NEBL: variants seen among roughly 807,000 people sequenced by gnomAD.
The protein encoded by NEBL is nebulette.
In NEBL, 122 loss-of-function variants were observed where a neutral mutation model predicts 140.2. The ratio of observed to expected loss-of-function variants is 0.87; its 90% CI spans 0.75 to 1.01. The LOEUF is 1.01. Ranked by LOEUF, NEBL falls within the 50% of genes least tolerant of loss-of-function variation. The probability of loss-of-function intolerance (pLI) is 0.00; values close to 1 mark genes in which losing one functional copy is unlikely to be tolerated. For missense variants in NEBL, 1,365 were observed against 1,231.3 expected, an observed-to-expected ratio of 1.11 and a Z score of -1.62; for synonymous variants, 436 against 398.9, an observed-to-expected ratio of 1.09 and a Z score of -1.11.
chr10:21,144,278 G>C (rs1163971746), intron 2 of NEBL, among the ~76,000 whole-genome samples: 1 of 152,238 alleles, frequency 6.6e-6, no homozygotes, highest in Non-Finnish European at 1.5e-5. Flanking sequence ...CTGGATGGCT[G>C]CTGGTACTAG....
intron 3 of NEBL, among the ~76,000 whole-genome samples, chr10:21,223,058 T>A (rs1021826343): frequency 6.6e-6 from 1 of 152,240 alleles, no homozygotes; most frequent in Non-Finnish European, 1.5e-5. Context: ...CCATCGCGCC[T>A]GGCTCTTTTA....
intron 4 of NEBL, among the ~76,000 whole-genome samples, chr10:20,944,635 C>G (rs1835067364): frequency 6.6e-6 from 1 of 152,160 alleles, no homozygotes; most frequent in African/African-American, 2.4e-5. Flanking sequence ...GAGAGCATGT[C>G]TGAGACTAGC....
chr10:21,257,032 T>G (rs1348773546), intron 1 of NEBL, among the ~76,000 whole-genome samples: 1 of 152,216 alleles, frequency 6.6e-6, no homozygotes, highest in African/African-American at 2.4e-5. Flanking sequence ...AACAACACTA[T>G]GAAAATTAGC....
chr10:21,006,794 C>T (rs1359544750), intron 3 of NEBL, among the ~76,000 whole-genome samples: 1 of 152,106 alleles, frequency 6.6e-6, no homozygotes, highest in Non-Finnish European at 1.5e-5. Context: ...CCAAGGATAA[C>T]AATAAGAAGA....
intron 4 of NEBL, among the ~76,000 whole-genome samples, chr10:20,904,888 C>A (rs1848024809): frequency 6.6e-6 from 1 of 152,332 alleles, no homozygotes. Context: ...CTTGGCAATT[C>A]TTTAACCCAT....
intron 2 of NEBL, among the ~76,000 whole-genome samples, chr10:21,160,779 G>A (rs1162580376): frequency 2.6e-5 from 4 of 151,548 alleles, no homozygotes; most frequent in Non-Finnish European, 2.9e-5. Context: ...AGCCTGTTAA[G>A]ACCTTTTATT....
intron 2 of NEBL, among the ~76,000 whole-genome samples, chr10:20,896,433 C>T (rs1847480054): frequency 7.1e-6 from 1 of 141,594 alleles, no homozygotes; most frequent in African/African-American, 2.6e-5. Flanking sequence ...GGGTTCTTAG[C>T]AAGCAGGTCA....
chr10:21,201,359 T>A (rs574348445), intron 3 of NEBL, among the ~76,000 whole-genome samples: 1 of 152,196 alleles, frequency 6.6e-6, no homozygotes, highest in African/African-American at 2.4e-5. Context: ...TCTTTATGCT[T>A]TCAGGGGCAG....
At position 20,869,761 on chromosome 10, in the gene NEBL, C is replaced by G. The variant is rs75301590; in HGVS notation, c.561G>C (p.Gln187His). ...LDRPDIKMATQISKIISNAEY... is the reference protein window; with the variant it reads ...LDRPDIKMATHISKIISNAEY... ...TTACATTGCTTATGATCTTAGAGAT[C>G]TGGGTTGCCATCTTGATGTCTGGTC... The change falls in exon 6 of 28, where the codon CAG (glutamine) becomes CAC (histidine). Residue 187 changes from glutamine to histidine, a missense_variant. Around this residue, in one of 2 missense-constraint regions of NEBL, gnomAD observed 1,323 missense variants for 1,154.8 expected, o/e 1.15. Transcript: ENST00000377122. The G allele has an allele frequency of 1.1e-4, 184 of 1,611,182 alleles. 1 individual carries two copies. The East Asian group carries it at 3.8e-3, about 33-fold the overall frequency.
chr10:21,028,254 A>AGAAGAAG (rs1554819369), intron 2 of NEBL, among the ~76,000 whole-genome samples: 11 of 70,348 alleles, frequency 1.6e-4, no homozygotes, highest in East Asian at 6.9e-4. Flanking sequence ...AAAAAAAAAA[A>AGAAGAAG]AAGAAGAAGA....
At chr10:20,815,792 AG>A in intron 21 of NEBL, 75 bp from the exon 22 acceptor site, 1 of 1,089,482 alleles carries the variant, frequency 9.2e-7, no homozygotes, top group South Asian at 1.3e-5. Context: ...TATTTAAGAC[AG>A]GGTCTTGCTC....
intron 2 of NEBL, among the ~76,000 whole-genome samples, chr10:21,249,581 T>C (rs984350027): frequency 1.3e-5 from 2 of 150,790 alleles, no homozygotes; most frequent in Non-Finnish European, 3.0e-5. Flanking sequence ...CCTATTTAAA[T>C]ATTTTATTTA....
At chr10:21,030,605 C>A (rs1833738630) in intron 2 of NEBL, 1 of 603,124 alleles carries the variant, frequency 1.7e-6, no homozygotes, top group Admixed American at 2.1e-5. Flanking sequence ...AAAGTAACTC[C>A]AGCTCAACCG....
At chr10:20,865,153 G>T (rs914429989) in intron 7 of NEBL, among the ~76,000 whole-genome samples, 15 of 152,254 alleles carry the variant, frequency 9.9e-5, no homozygotes, top group African/African-American at 3.4e-4. Flanking sequence ...TGAATTTAAG[G>T]CCAGAATCTC....
intron 2 of NEBL, among the ~76,000 whole-genome samples, chr10:21,071,689 G>C (rs565316580): frequency 6.6e-6 from 1 of 152,284 alleles, no homozygotes; most frequent in Non-Finnish European, 1.5e-5. Flanking sequence ...ATCCAGGATT[G>C]GTTTACTAGG....
At chr10:20,971,865 G>A (rs1010739874) in intron 3 of NEBL, among the ~76,000 whole-genome samples, 7 of 152,080 alleles carry the variant, frequency 4.6e-5, no homozygotes, top group African/African-American at 9.6e-5. Flanking sequence ...CGCCTGCCTC[G>A]GCCTCCCAAA....
chr10:21,042,763 T>G (rs1401352721), intron 2 of NEBL, among the ~76,000 whole-genome samples: 1 of 152,246 alleles, frequency 6.6e-6, no homozygotes, highest in Non-Finnish European at 1.5e-5. Flanking sequence ...CTCTGGATTC[T>G]TCCTGCAGAC....
rs569649561 is a variant in NEBL at position 21,270,975 on chromosome 10, A to G, written n.183-19147T>C. ...GAAAACAGTATGTCAGTTCCTCAAA[A>G]GACTGAAAATAGAATTACCATATCA... On this transcript the variant is annotated intron_variant and non_coding_transcript_variant, in intron 1 of 8. Transcript: ENST00000675702. Among the ~76,000 whole-genome samples, 11 of 152,320 alleles carry G rather than the reference A, an allele frequency of 7.2e-5. No individual in the cohort carries two copies. The East Asian group carries it at 1.2e-3, about 16-fold the overall frequency.
At chr10:20,795,314 A>G (rs1033944587) in intron 26 of NEBL, among the ~76,000 whole-genome samples, 6 of 152,040 alleles carry the variant, frequency 3.9e-5, no homozygotes, top group Admixed American at 6.6e-5. Context: ...CATAGAGGTT[A>G]CTCTATTTGT....
Sources: allele counts gnomAD v4.1 joint callset (sites outside exome capture counted in the v4.1 genomes callset), GRCh38; gene constraint gnomAD v4.1.1; regional missense constraint gnomAD v4.1.1; transcripts MANE v1.5; gene names NCBI Gene and HGNC (gene_info 2026-07-23, HGNC 2026-07-21).